The following TRAPPC9 variants were observed in gnomAD, a reference collection of about 807,000 sequenced individuals.
TRAPPC9 encodes the protein IKK2 binding protein.
Under a neutral mutation model 124.0 loss-of-function variants are expected in TRAPPC9, and 83 were observed. The ratio of observed to expected loss-of-function variants is 0.67; its 90% CI spans 0.56 to 0.80. The LOEUF (loss-of-function observed/expected upper bound fraction) is 0.80, where lower values mean the gene tolerates loss of function less well. TRAPPC9 is among the 30% of genes least tolerant of loss of function. The probability of loss-of-function intolerance (pLI) is 0.00; values close to 1 mark genes in which losing one functional copy is unlikely to be tolerated. For synonymous variants in TRAPPC9, 638 were observed against 617.5 expected, an observed-to-expected ratio of 1.03 and a Z score of -0.49; for missense variants, 1,302 against 1,508.3, an observed-to-expected ratio of 0.86 and a Z score of 2.27.
Position 140,041,621 on chromosome 8 carries a change from G to A in TRAPPC9, c.2557-17542C>T, listed in dbSNP as rs542223151. 3.3e-4 allele frequency among the ~76,000 whole-genome samples: 51 copies of A among 152,274 alleles called. No homozygotes were observed. In the South Asian group the frequency reaches 8.3e-3, roughly 25 times the overall value. ...TGGGGAGAACGCTCGTGACTTGCTC[G>A]CCCTCATGGCGGTCACACCATCCTG... On this transcript the variant is annotated intron_variant, in intron 17 of 22. Transcript: ENST00000438773.
chr8:140,248,982 G>A (rs1395996560), intron 16 of TRAPPC9, among the ~76,000 whole-genome samples: 2 of 152,058 alleles, frequency 1.3e-5, no homozygotes, highest in African/African-American at 4.8e-5. Flanking sequence ...AAAGTCACAA[G>A]AAATGAAGAT....
intron 17 of TRAPPC9, among the ~76,000 whole-genome samples, chr8:140,024,598 T>C (rs996026812): frequency 5.9e-5 from 9 of 152,084 alleles, no homozygotes; most frequent in African/African-American, 1.2e-4. Flanking sequence ...GATTTCACCA[T>C]GTTGGCCAGG....
chr8:140,319,842 A>G (rs961291178), intron 9 of TRAPPC9, among the ~76,000 whole-genome samples: 1 of 152,202 alleles, frequency 6.6e-6, no homozygotes, highest in Non-Finnish European at 1.5e-5. Flanking sequence ...AAATATGATC[A>G]CCAAAACTTT....
intron 21 of TRAPPC9, among the ~76,000 whole-genome samples, chr8:139,775,543 C>T (rs1380975161): frequency 6.6e-6 from 1 of 152,238 alleles, no homozygotes; most frequent in Non-Finnish European, 1.5e-5. Context: ...GAGGCCACAT[C>T]TCCAGGGGAA....
At chr8:139,950,570 T>C (rs1296976537) in intron 19 of TRAPPC9, among the ~76,000 whole-genome samples, 1 of 152,214 alleles carries the variant, frequency 6.6e-6, no homozygotes, top group Non-Finnish European at 1.5e-5. Flanking sequence ...AAGTTGCCGC[T>C]GTGAGGCATA....
At chr8:139,844,007 G>A (rs566213153) in intron 21 of TRAPPC9, among the ~76,000 whole-genome samples, 8 of 152,322 alleles carry the variant, frequency 5.3e-5, no homozygotes, top group East Asian at 1.9e-4. Context: ...GGCATATCTC[G>A]TCCTGTCCTC....
intron 19 of TRAPPC9, among the ~76,000 whole-genome samples, chr8:139,935,834 T>C (rs986876809): frequency 6.6e-6 from 1 of 152,236 alleles, no homozygotes; most frequent in African/African-American, 2.4e-5. Flanking sequence ...ATCACCTCAT[T>C]TCATCCATAC....
chr8:140,332,478 C>T (rs2066919538), intron 9 of TRAPPC9, among the ~76,000 whole-genome samples: 1 of 152,064 alleles, frequency 6.6e-6, no homozygotes. Flanking sequence ...TCTAAATGTT[C>T]CCAACACAAA....
chr8:140,052,999 T>C (rs1482729053), intron 17 of TRAPPC9, among the ~76,000 whole-genome samples: 1 of 151,870 alleles, frequency 6.6e-6, no homozygotes, highest in African/African-American at 2.4e-5. Flanking sequence ...ATAAAACAAA[T>C]ACCCATGACC....
chr8:140,370,944 C>G lies in TRAPPC9; in HGVS notation c.1351+20G>C. 1 of 1,613,224 alleles carries G rather than the reference C, an allele frequency of 6.2e-7. No homozygotes were observed. The highest frequency in any genetic ancestry group is 2.2e-5 in the East Asian group (1 of 44,888). On this transcript the variant is annotated intron_variant, in intron 8 of 22. Transcript: ENST00000438773. The stretch of plus-strand genomic sequence containing the variant: ...CAGACAGAAAGCAACACCTTAGCGC[C>G]AGCAAGGGGACTCCAGTACCTCTGC...
chr8:139,963,301 C>A (rs73725338), intron 19 of TRAPPC9, among the ~76,000 whole-genome samples: 2,378 of 152,262 alleles, frequency 0.016, 64 homozygotes, highest in African/African-American at 0.054. Context: ...GCGTCTGCCT[C>A]CTTCTAAGCC....
At chr8:140,222,970 T>G (rs2063371058) in intron 16 of TRAPPC9, among the ~76,000 whole-genome samples, 1 of 152,234 alleles carries the variant, frequency 6.6e-6, no homozygotes, top group Non-Finnish European at 1.5e-5. Flanking sequence ...TGGACTCACA[T>G]CAGTATGACA....
chr8:139,912,643 G>A (rs930588805), intron 19 of TRAPPC9, among the ~76,000 whole-genome samples: 22 of 152,220 alleles, frequency 1.4e-4, no homozygotes, highest in African/African-American at 4.3e-4. Flanking sequence ...CAATACTGGC[G>A]ATGATCAGTT....
At chr8:140,266,147 A>G (rs1369981455) in intron 15 of TRAPPC9, among the ~76,000 whole-genome samples, 1 of 152,146 alleles carries the variant, frequency 6.6e-6, no homozygotes, top group African/African-American at 2.4e-5. Context: ...CTCTTTCACA[A>G]TCTACACATA....
chr8:139,792,059 C>T (rs550576201), intron 21 of TRAPPC9, among the ~76,000 whole-genome samples: 2 of 152,216 alleles, frequency 1.3e-5, no homozygotes, highest in Non-Finnish European at 2.9e-5. Flanking sequence ...TCTTGCCCGC[C>T]GCCTGCCGCC....
intron 7 of TRAPPC9, among the ~76,000 whole-genome samples, chr8:140,378,515 G>A (rs1018742077): frequency 2.6e-5 from 4 of 152,096 alleles, no homozygotes; most frequent in African/African-American, 9.7e-5. Flanking sequence ...TCCTCAGCTT[G>A]CAGACGGCCT....
intron 17 of TRAPPC9, among the ~76,000 whole-genome samples, chr8:140,171,361 A>G (rs1233564627): frequency 6.6e-6 from 1 of 152,234 alleles, no homozygotes; most frequent in African/African-American, 2.4e-5. Flanking sequence ...AAATGCTGCA[A>G]CTTTATTTAT....
intron 19 of TRAPPC9, among the ~76,000 whole-genome samples, chr8:139,929,647 C>T (rs1226897678): frequency 6.6e-6 from 1 of 152,232 alleles, no homozygotes; most frequent in Non-Finnish European, 1.5e-5. Flanking sequence ...CATGGTCTTC[C>T]AGAAGAATAC....
intron 6 of TRAPPC9, among the ~76,000 whole-genome samples, chr8:140,398,023 C>A (rs893433340): frequency 1.3e-5 from 2 of 152,176 alleles, no homozygotes; most frequent in African/African-American, 4.8e-5. Context: ...GTGAATAAGT[C>A]TCATAAGATC....
Sources: gnomAD v4.1 joint callset for allele counts (sites outside exome capture counted in the v4.1 genomes callset) on GRCh38, gnomAD v4.1.1 for gene constraint, MANE v1.5 for transcripts, NCBI Gene and HGNC (gene_info 2026-07-23, HGNC 2026-07-21) for gene names.